The following RGL1 variants were observed in gnomAD, a reference collection of about 807,000 sequenced individuals.
The protein encoded by RGL1 is ral guanine nucleotide dissociation stimulator like 1, also known as ral guanine nucleotide dissociation stimulator-like 1.
Under a neutral mutation model 95.2 loss-of-function variants are expected in RGL1, and 24 were observed. That is an observed-to-expected ratio of 0.25 (90% confidence interval 0.18 to 0.35). RGL1 has a LOEUF of 0.35. Among genes scored for constraint, RGL1 ranks in the 10% least tolerant of loss-of-function variants. RGL1 has a pLI of 1.00. For missense variants in RGL1, 715 were observed against 936.3 expected, an observed-to-expected ratio of 0.76 and a Z score of 3.08; for synonymous variants, 329 against 344.9, an observed-to-expected ratio of 0.95 and a Z score of 0.51.
At chr1:183,906,418 A>G (rs1345305249) in intron 13 of RGL1, among the ~76,000 whole-genome samples, 1 of 152,104 alleles carries the variant, frequency 6.6e-6, no homozygotes, top group Non-Finnish European at 1.5e-5. Flanking sequence ...AAAATTTAAA[A>G]AAGTATTTGT....
intron 3 of RGL1, among the ~76,000 whole-genome samples, chr1:183,855,797 A>T (rs1369039666): frequency 6.6e-6 from 1 of 152,210 alleles, no homozygotes; most frequent in Non-Finnish European, 1.5e-5. Context: ...TCTTGTTACT[A>T]TGAAACTCAT....
At chr1:183,809,475 C>T (rs142109487) in intron 2 of RGL1, among the ~76,000 whole-genome samples, 137 of 152,278 alleles carry the variant, frequency 9.0e-4, no homozygotes, top group African/African-American at 2.9e-3. Flanking sequence ...TGCCCATTGA[C>T]GGTGAGATTA....
chr1:183,923,204 A>G (rs2102762291), intron 17 of RGL1, among the ~76,000 whole-genome samples: 1 of 152,334 alleles, frequency 6.6e-6, no homozygotes, highest in South Asian at 2.1e-4. Context: ...ACCAACAAGC[A>G]GTGTCCCCTA....
At chr1:183,773,966 A>T (rs1229056586) in intron 2 of RGL1, among the ~76,000 whole-genome samples, 1 of 145,202 alleles carries the variant, frequency 6.9e-6, no homozygotes, top group East Asian at 2.0e-4. Context: ...AAAAAAAAAA[A>T]GCCAGGATTT....
At chr1:183,923,647 C>T (rs1669443129) in intron 17 of RGL1, among the ~76,000 whole-genome samples, 1 of 152,136 alleles carries the variant, frequency 6.6e-6, no homozygotes, top group South Asian at 2.1e-4. Context: ...AGACAATACC[C>T]TGCTGGTTCC....
chr1:183,687,768 T>G (rs1311055799), intron 1 of RGL1, among the ~76,000 whole-genome samples: 1 of 152,184 alleles, frequency 6.6e-6, no homozygotes, highest in Non-Finnish European at 1.5e-5. Flanking sequence ...AAGGCTAACT[T>G]TGAATAAAGA....
At chr1:183,680,482 C>G (rs1653136442) in intron 1 of RGL1, among the ~76,000 whole-genome samples, 1 of 150,358 alleles carries the variant, frequency 6.7e-6, no homozygotes, top group Non-Finnish European at 1.5e-5. Context: ...AATCCTTTCC[C>G]CAATGCTTGT....
At chr1:183,689,802 A>AG (rs1221935780) in intron 1 of RGL1, among the ~76,000 whole-genome samples, 1 of 152,130 alleles carries the variant, frequency 6.6e-6, no homozygotes, top group East Asian at 1.9e-4. Flanking sequence ...GAAGATGAAC[A>AG]GAGGGATGGG....
At chr1:183,732,693 G>A (rs1028987526) in intron 1 of RGL1, among the ~76,000 whole-genome samples, 2 of 152,156 alleles carry the variant, frequency 1.3e-5, no homozygotes, top group Admixed American at 6.6e-5. Flanking sequence ...TGGAAAGACT[G>A]TGATGAACAG....
Position 183,686,791 on chromosome 1 carries a change from CT to C in RGL1, c.-33+50291del, listed in dbSNP as rs1225694821. On this transcript the variant is annotated intron_variant, in intron 1 of 18. Transcript: ENST00000304685. ...TGTATCTTTAGCCCTGCCTTCCCCC[CT>C]GAGCATCAGACTTGTATATGCAATT... Among the ~76,000 whole-genome samples, 20 of 152,262 alleles carry C rather than the reference CT, an allele frequency of 1.3e-4. No individual in the cohort carries two copies. In the East Asian group the frequency reaches 2.3e-3, roughly 18 times the overall value.
At chr1:183,877,634 C>T (rs1038203901) in intron 4 of RGL1, among the ~76,000 whole-genome samples, 1 of 152,208 alleles carries the variant, frequency 6.6e-6, no homozygotes, top group East Asian at 1.9e-4. Flanking sequence ...CTTTCCCTTT[C>T]TCTGTTTCTT....
chr1:183,741,088 T>C (rs1657271824), intron 1 of RGL1, among the ~76,000 whole-genome samples: 1 of 152,112 alleles, frequency 6.6e-6, no homozygotes, highest in African/African-American at 2.4e-5. Context: ...CTGGGGTCCA[T>C]AGATACTTTC....
At position 183,847,522 on chromosome 1, in the gene RGL1, A is replaced by G. The variant is rs73047523; in HGVS notation, c.139-44A>G. The stretch of plus-strand genomic sequence containing the variant: ...ATTTCAATGCTTCCAATTTTACTTT[A>G]GGGAGTCATTTCTCCTTATGGTAAT... On this transcript the variant is annotated intron_variant, in intron 2 of 17. Coordinates refer to ENST00000360851, the MANE Select transcript of RGL1 (RefSeq NM_001297671.3). The G allele has an allele frequency of 6.2e-3, 9,251 of 1,503,574 alleles. 525 individuals carry two copies. The African/African-American group carries it at 0.11, about 19-fold the overall frequency. The allele number at this position is 1,503,574 out of a possible 1,614,324, so 93.1% of individuals were successfully genotyped here. A position where few individuals can be genotyped will look rare whatever the true frequency, so the allele number is the denominator to read the frequency against.
At chr1:183,831,060 C>T (rs1346010822) in intron 2 of RGL1, among the ~76,000 whole-genome samples, 1 of 152,038 alleles carries the variant, frequency 6.6e-6, no homozygotes, top group Non-Finnish European at 1.5e-5. Context: ...GGGCTCTGAA[C>T]CCATGGAGTT....
At chr1:183,820,480 G>GA (rs1662398081) in intron 2 of RGL1, among the ~76,000 whole-genome samples, 2 of 152,130 alleles carry the variant, frequency 1.3e-5, no homozygotes, top group South Asian at 4.2e-4. Flanking sequence ...TGAGGACCCT[G>GA]ATAGCACCAT....
chr1:183,920,332 G>A (rs745506758), intron 16 of RGL1, among the ~76,000 whole-genome samples: 17 of 152,132 alleles, frequency 1.1e-4, no homozygotes, highest in African/African-American at 3.9e-4. Context: ...CACCTCACCC[G>A]TCCTAAAAAC....
chr1:183,640,497 A>T (rs1649851480), intron 1 of RGL1, among the ~76,000 whole-genome samples: 1 of 152,226 alleles, frequency 6.6e-6, no homozygotes, highest in South Asian at 2.1e-4. Flanking sequence ...AGATTAAAAA[A>T]AATTGTAAAT....
chr1:183,749,091 A>G (rs1043947563), intron 2 of RGL1, among the ~76,000 whole-genome samples: 2 of 152,176 alleles, frequency 1.3e-5, no homozygotes, highest in African/African-American at 4.8e-5. Flanking sequence ...AAGAATGTAT[A>G]TTTTGTTTAT....
intron 2 of RGL1, among the ~76,000 whole-genome samples, chr1:183,766,057 T>C (rs904739923): frequency 6.6e-6 from 1 of 151,604 alleles, no homozygotes; most frequent in Non-Finnish European, 1.5e-5. Flanking sequence ...GTTGTGCATA[T>C]GTACCCTAAA....
Sources: allele counts gnomAD v4.1 joint callset (sites outside exome capture counted in the v4.1 genomes callset), GRCh38; gene constraint gnomAD v4.1.1; transcripts MANE v1.5; gene names NCBI Gene and HGNC (gene_info 2026-07-23, HGNC 2026-07-21).